The following CDC42BPB variants were observed in gnomAD, a reference collection of about 807,000 sequenced individuals.
The protein encoded by CDC42BPB is CDC42 binding protein kinase beta, also known as serine/threonine-protein kinase MRCK beta.
CDC42BPB carries 37 observed loss-of-function variants against 214.9 expected under a neutral mutation model. The observed-to-expected ratio is 0.17, with a 90% CI of 0.13 to 0.23. The LOEUF (loss-of-function observed/expected upper bound fraction) is 0.23, where lower values mean the gene tolerates loss of function less well. CDC42BPB is among the 10% of genes least tolerant of loss of function. CDC42BPB has a pLI of 1.00. For missense variants in CDC42BPB, 1,694 were observed against 2,227.0 expected, an observed-to-expected ratio of 0.76 and a Z score of 4.82; for synonymous variants, 931 against 884.0, an observed-to-expected ratio of 1.05 and a Z score of -0.94.
At chr14:103,036,640 T>C (rs188671119) in intron 1 of CDC42BPB, among the ~76,000 whole-genome samples, 24 of 152,340 alleles carry the variant, frequency 1.6e-4, no homozygotes, top group African/African-American at 5.5e-4. Flanking sequence ...TAGGCTCAAC[T>C]GTGCAGTTAG....
chr14:103,018,976 C>T (rs1164851120), intron 1 of CDC42BPB, among the ~76,000 whole-genome samples: 1 of 152,132 alleles, frequency 6.6e-6, no homozygotes, highest in African/African-American at 2.4e-5. Context: ...CAGGGTTTTG[C>T]TCTGTCGACC....
intron 22 of CDC42BPB, 22 bp downstream of exon 22, chr14:102,954,580 C>T (rs372615224): frequency 1.9e-6 from 3 of 1,601,368 alleles, no homozygotes; most frequent in Admixed American, 3.3e-5. Flanking sequence ...GTGGGAGCAT[C>T]ACCAGGGCAA....
At chr14:102,992,708 A>G (rs1158690815) in intron 5 of CDC42BPB, among the ~76,000 whole-genome samples, 1 of 151,902 alleles carries the variant, frequency 6.6e-6, no homozygotes, top group African/African-American at 2.4e-5. Context: ...TCTGAAAGAA[A>G]AAAATCAAAA....
intron 23 of CDC42BPB, 82 bp downstream of exon 23, chr14:102,954,116 A>G (rs1892611135): frequency 1.0e-6 from 1 of 984,964 alleles, no homozygotes; most frequent in East Asian, 2.6e-5. Context: ...TTATTTATAC[A>G]AAACTTATTT....
intron 1 of CDC42BPB, among the ~76,000 whole-genome samples, chr14:103,049,759 G>A (rs1888504471): frequency 6.6e-6 from 1 of 152,164 alleles, no homozygotes; most frequent in South Asian, 2.1e-4. Context: ...TGTTGCCCAC[G>A]CTGGAGAGCA....
chr14:102,933,663 C>G lies in CDC42BPB; in HGVS notation c.*49G>C. ...AGGGCCCGCTCAGTCTTGGCACTGA[C>G]GCTGGAGGCCATCTCCAGCTCCCTG... On this transcript the variant is annotated 3_prime_UTR_variant, in exon 37 of 37. Transcript: ENST00000361246. The G allele has an allele frequency of 2.9e-6, 4 of 1,384,854 alleles. No homozygotes were observed. Among genetic ancestry groups the G allele is most frequent in the Non-Finnish European group, 3.7e-6 (4 of 1,074,786 alleles). The allele number at this position is 1,384,854 out of a possible 1,614,324, so 85.8% of individuals were successfully genotyped here.
In CDC42BPB at chr14:102,939,695, T is replaced by C. The variant is rs1566839125; in HGVS notation, c.4742A>G (p.Lys1581Arg). 1 of 1,614,190 alleles carries C rather than the reference T, an allele frequency of 6.2e-7. No homozygotes were observed. Among genetic ancestry groups the C allele is most frequent in the Admixed American group, 1.7e-5 (1 of 60,034 alleles). Residue 1581 changes from lysine (K) to arginine (R), a missense_variant, in exon 34 of 37, where the codon AAA (lysine) becomes AGA (arginine). Physicochemically the swap from Lys to Arg is conservative, Grantham distance 26. Around this residue, in one of 7 missense-constraint regions of CDC42BPB, gnomAD observed 567 missense variants for 790.3 expected, o/e 0.72. Coordinates refer to ENST00000361246, the MANE Select transcript of CDC42BPB (RefSeq NM_006035.4). ...EMLRDPELRS[K>R]MISNPTNFNH... is the part of the protein sequence containing the mutation. ...GAAGTTGGTTGGGTTGGATATCATT[T>C]TGGATCTCAATTCTGGGTCTCTAAG...
At chr14:103,008,046 G>A (rs947243362) in intron 3 of CDC42BPB, among the ~76,000 whole-genome samples, 1 of 146,852 alleles carries the variant, frequency 6.8e-6, no homozygotes, top group Non-Finnish European at 1.5e-5. Context: ...GCTGATCAAA[G>A]CCTGCTGGGC....
intron 34 of CDC42BPB, 130 bp downstream of exon 34, chr14:102,939,480 G>C: frequency 7.3e-6 from 5 of 683,336 alleles, no homozygotes; most frequent in Non-Finnish European, 1.3e-5. Flanking sequence ...TGTGTGACAG[G>C]AGCGCCAGGT....
intron 1 of CDC42BPB, among the ~76,000 whole-genome samples, chr14:103,048,805 C>T (rs1034261710): frequency 1.3e-5 from 2 of 151,172 alleles, no homozygotes; most frequent in African/African-American, 4.9e-5. Context: ...ACCCGGGAGG[C>T]GGAGGCTGCA....
chr14:103,027,996 G>A (rs1887145363), intron 1 of CDC42BPB, among the ~76,000 whole-genome samples: 1 of 152,192 alleles, frequency 6.6e-6, no homozygotes, highest in East Asian at 1.9e-4. Flanking sequence ...CAGGCGTGGT[G>A]GTGCGCACCT....
chr14:102,987,886 T>C (rs1305339435), intron 5 of CDC42BPB, among the ~76,000 whole-genome samples: 6 of 147,930 alleles, frequency 4.1e-5, no homozygotes, highest in South Asian at 2.1e-4. Flanking sequence ...GGCAAGAGAA[T>C]TGCTTGAACC....
rs1161181768 is a variant in CDC42BPB at position 102,999,625 on chromosome 14, A to AATGGCCAGCACCATTTC, written c.535_536insGAAATGGTGCTGGCCAT (p.Phe179Ter). The AATGGCCAGCACCATTTC allele has an allele frequency of 6.2e-7, 1 of 1,614,188 alleles. No homozygotes were observed. Among genetic ancestry groups the AATGGCCAGCACCATTTC allele is most frequent in the Non-Finnish European group, 8.5e-7 (1 of 1,180,032 alleles). On this transcript the variant is annotated stop_gained and frameshift_variant, in exon 5 of 37. Coordinates refer to ENST00000361246, the MANE Select transcript of CDC42BPB (RefSeq NM_006035.4). LOFTEE classifies it high-confidence loss of function. ...GGCCAGCACCATTTCACCAATGTAG[A>AATGGCCAGCACCATTTC]ACCTCGCCATATCTTCCGGAAGCTT...
intron 9 of CDC42BPB, 67 bp downstream of exon 9, chr14:102,978,059 G>A: frequency 8.1e-7 from 1 of 1,229,500 alleles, no homozygotes; most frequent in Non-Finnish European, 1.2e-6. Context: ...GGGACAGACT[G>A]TGGTGTCTGA....
At position 102,933,476 on chromosome 14, in the gene CDC42BPB, A is replaced by C. The variant is rs1434315134; in HGVS notation, c.*236T>G. 2 of 395,990 alleles carry C rather than the reference A, an allele frequency of 5.1e-6. No homozygotes were observed. Among genetic ancestry groups the C allele is most frequent in the African/African-American group, 4.1e-5 (2 of 48,240 alleles). 24.5% of individuals were successfully genotyped at this position (395,990 alleles called of 1,614,324 possible). A position where few individuals can be genotyped will look rare whatever the true frequency, so the allele number is the denominator to read the frequency against. The stretch of plus-strand genomic sequence containing the variant: ...GAGACAGGCTGTATGGGGGTCCTTC[A>C]TGTGCAGATGGAACAGCATCGCCTC... On this transcript the variant is annotated 3_prime_UTR_variant, in exon 37 of 37. Transcript: ENST00000361246.
intron 1 of CDC42BPB, among the ~76,000 whole-genome samples, chr14:103,045,335 G>C (rs1005400345): frequency 2.0e-5 from 3 of 152,144 alleles, no homozygotes; most frequent in Non-Finnish European, 4.4e-5. Context: ...AAAAGCTCTG[G>C]AGGTTAAACA....
In CDC42BPB at chr14:102,945,688, A is replaced by G; in HGVS notation, c.3785T>C (p.Leu1262Pro). 6.2e-7 allele frequency: 1 copy of G among 1,612,830 alleles called. No individual in the cohort carries two copies. Among genetic ancestry groups the G allele is most frequent in the Non-Finnish European group, 8.5e-7 (1 of 1,179,888 alleles). Residue 1262 changes from leucine (L) to proline (P), a missense_variant, in exon 29 of 37, where the codon CTC becomes CCC. By Grantham distance (98) the Leu-to-Pro change is moderately conservative (BLOSUM62 -3). This residue lies in a region of CDC42BPB where 567 missense variants were observed against 790.3 expected (regional missense o/e 0.72). Transcript: ENST00000361246. The stretch of plus-strand genomic sequence containing the variant: ...ATCTCGGGTGACCTCTATGACATAG[A>G]GCCCTTCTTCTAGGCCGACTGCAAT... The part of the protein sequence containing the change: ...DRIAVGLEEG[L>P]YVIEVTRDVI...
At chr14:102,935,078 C>G (rs1891590747) in intron 36 of CDC42BPB, among the ~76,000 whole-genome samples, 1 of 151,234 alleles carries the variant, frequency 6.6e-6, no homozygotes, top group South Asian at 2.1e-4. Flanking sequence ...CTGCTTTCAC[C>G]ACTGCTATTC....
At chr14:102,938,583 G>A in intron 34 of CDC42BPB, 172 bp from the exon 35 acceptor site, 1 of 983,986 alleles carries the variant, frequency 1.0e-6, no homozygotes, top group East Asian at 1.1e-4. Flanking sequence ...ACTAAGAACT[G>A]GCAATAGCAA....
Sources: gnomAD v4.1 joint callset for allele counts (sites outside exome capture counted in the v4.1 genomes callset) on GRCh38, gnomAD v4.1.1 for gene constraint, gnomAD v4.1.1 regional missense constraint, MANE v1.5 for transcripts, NCBI Gene and HGNC (gene_info 2026-07-23, HGNC 2026-07-21) for gene names.